Variants in AFG2A observed in about 807,000 individuals in gnomAD.
AFG2A encodes the protein ATPase family gene 2 protein homolog A.
the AFG2A span, chr4:123,090,603 C>T: frequency 3.2e-5 from 51 of 1,613,966 alleles, no homozygotes; most frequent in Non-Finnish European, 3.8e-5. Context: ...GGAATGTAGC[C>T]GATCGTGTTT....
At chr4:123,046,571 A>G in the AFG2A span, among the ~76,000 whole-genome samples, 13 of 150,976 alleles carry the variant, frequency 8.6e-5, no homozygotes, top group African/African-American at 2.2e-4. Context: ...TGTGTATACA[A>G]TATGTACTGA....
At chr4:123,275,212 T>C in the AFG2A span, among the ~76,000 whole-genome samples, 5 of 152,154 alleles carry the variant, frequency 3.3e-5, no homozygotes, top group African/African-American at 1.2e-4. Context: ...ATGCATTCAC[T>C]TTTCTGGTAA....
the AFG2A span, among the ~76,000 whole-genome samples, chr4:123,057,830 C>T: frequency 6.7e-6 from 1 of 148,882 alleles, no homozygotes; most frequent in African/African-American, 2.4e-5. Flanking sequence ...CACACACACA[C>T]ATCAGAACTG....
chr4:123,136,591 G>A, the AFG2A span, among the ~76,000 whole-genome samples: 12 of 151,858 alleles, frequency 7.9e-5, no homozygotes, highest in South Asian at 2.5e-3. Flanking sequence ...GGAGAATGGC[G>A]TGAACACGAG....
the AFG2A span, among the ~76,000 whole-genome samples, chr4:123,207,238 C>A: frequency 6.7e-6 from 1 of 148,966 alleles, no homozygotes; most frequent in Non-Finnish European, 1.5e-5. Flanking sequence ...TCTGGCCATC[C>A]TTTTTCATAG....
the AFG2A span, among the ~76,000 whole-genome samples, chr4:123,267,462 T>C: frequency 1.3e-5 from 2 of 152,036 alleles, no homozygotes; most frequent in Non-Finnish European, 2.9e-5. Context: ...CATGCTACTT[T>C]ACCATTGTGG....
the AFG2A span, among the ~76,000 whole-genome samples, chr4:123,230,447 C>T: frequency 6.6e-6 from 1 of 151,910 alleles, no homozygotes; most frequent in Non-Finnish European, 1.5e-5. Context: ...ATTTCAGGCT[C>T]CACTTCTAAT....
the AFG2A span, among the ~76,000 whole-genome samples, chr4:123,134,455 G>A: frequency 0.088 from 13,354 of 152,018 alleles, 773 homozygotes; most frequent in Middle Eastern, 0.2. Context: ...TATTCCATTC[G>A]TTGATGTGTC....
the AFG2A span, among the ~76,000 whole-genome samples, chr4:123,059,989 T>C: frequency 1.3e-5 from 2 of 152,204 alleles, no homozygotes; most frequent in Non-Finnish European, 2.9e-5. Context: ...TTGCCCACTT[T>C]TTGATGGGGT....
At chr4:123,218,540 C>T in the AFG2A span, among the ~76,000 whole-genome samples, 1 of 152,138 alleles carries the variant, frequency 6.6e-6, no homozygotes, top group African/African-American at 2.4e-5. Context: ...AGTCCAATCC[C>T]AGACTCATAA....
the AFG2A span, among the ~76,000 whole-genome samples, chr4:122,974,522 G>A: frequency 6.6e-6 from 1 of 152,156 alleles, no homozygotes; most frequent in African/African-American, 2.4e-5. Context: ...GTTATGTCCT[G>A]AAAAAACTAG....
At chr4:122,966,408 A>G in the AFG2A span, among the ~76,000 whole-genome samples, 1 of 152,214 alleles carries the variant, frequency 6.6e-6, no homozygotes, top group Non-Finnish European at 1.5e-5. Flanking sequence ...TTTCATATGT[A>G]TAAGACTGAA....
At chr4:123,025,046 G>C in the AFG2A span, among the ~76,000 whole-genome samples, 2 of 152,160 alleles carry the variant, frequency 1.3e-5, no homozygotes, top group African/African-American at 4.8e-5. Flanking sequence ...GTTGTAAATA[G>C]AAGCACTGAC....
the AFG2A span, among the ~76,000 whole-genome samples, chr4:123,153,340 A>G: frequency 2.0e-5 from 3 of 152,212 alleles, no homozygotes. Context: ...AATTTATACT[A>G]TGTCACTTTG....
the AFG2A span, among the ~76,000 whole-genome samples, chr4:123,266,520 T>C: frequency 6.6e-6 from 1 of 151,980 alleles, no homozygotes; most frequent in Non-Finnish European, 1.5e-5. Flanking sequence ...TCATAATAAA[T>C]GTTTCATGTA....
At chr4:123,078,836 G>A in the AFG2A span, among the ~76,000 whole-genome samples, 1 of 152,112 alleles carries the variant, frequency 6.6e-6, no homozygotes, top group Admixed American at 6.5e-5. Flanking sequence ...CTTTATTTCA[G>A]GATAGCTGAA....
chr4:122,947,530 A>G, the AFG2A span: 9 of 1,440,452 alleles, frequency 6.2e-6, no homozygotes, highest in Non-Finnish European at 8.3e-6. Context: ...TGATGCACTT[A>G]TCTCCAGTTT....
the AFG2A span, among the ~76,000 whole-genome samples, chr4:122,967,128 T>C: frequency 6.6e-6 from 1 of 152,174 alleles, no homozygotes; most frequent in African/African-American, 2.4e-5. Flanking sequence ...ACCAGTTCGG[T>C]GCAGTGGCTC....
At chr4:123,280,350 T>C in the AFG2A span, among the ~76,000 whole-genome samples, 4 of 152,216 alleles carry the variant, frequency 2.6e-5, no homozygotes, top group African/African-American at 9.6e-5. Flanking sequence ...ACTACCACCA[T>C]TTTAATTAAT....
Sources: allele counts gnomAD v4.1 joint callset (sites outside exome capture counted in the v4.1 genomes callset), GRCh38; gene constraint gnomAD v4.1.1; transcripts MANE v1.5; gene names NCBI Gene and HGNC (gene_info 2026-07-23, HGNC 2026-07-21).